The following STXBP4 variants were observed in gnomAD, a reference collection of about 807,000 sequenced individuals.
The protein encoded by STXBP4 is syntaxin-binding protein 4.
In STXBP4, 55 loss-of-function variants were observed where a neutral mutation model predicts 76.1. The ratio of observed to expected loss-of-function variants is 0.72; its 90% CI spans 0.58 to 0.91. STXBP4 has a LOEUF of 0.91. Ranked by LOEUF, STXBP4 falls within the 40% of genes least tolerant of loss-of-function variation. The pLI is 0.00. For missense variants in STXBP4, 618 were observed against 636.9 expected (o/e 0.97, Z 0.32); for synonymous variants, 201 against 220.2 (o/e 0.91, Z 0.77).
Position 55,012,327 on chromosome 17 carries a change from G to A in STXBP4, c.666+4730G>A, listed in dbSNP as rs547490564. 3.2e-4 allele frequency among the ~76,000 whole-genome samples: 48 copies of A among 152,190 alleles called. 1 individual carries two copies. The highest frequency in any genetic ancestry group is 6.8e-3 in the Middle Eastern group (2 of 294). On this transcript the variant is annotated intron_variant, in intron 8 of 17. Coordinates refer to ENST00000376352, the MANE Select transcript of STXBP4 (RefSeq NM_178509.6). ...TTCTTCTTCTGAGTACTGGGGCTTT[G>A]TTTCCCGGAGGGCATTACCCCATAG...
intron 12 of STXBP4, among the ~76,000 whole-genome samples, chr17:55,061,591 T>C (rs2078995359): frequency 6.6e-6 from 1 of 152,166 alleles, no homozygotes; most frequent in African/African-American, 2.4e-5. Flanking sequence ...CCAAAAACCC[T>C]CTTTACTCAG....
chr17:55,037,188 A>G (rs1396277181), intron 10 of STXBP4, among the ~76,000 whole-genome samples: 1 of 152,146 alleles, frequency 6.6e-6, no homozygotes, highest in African/African-American at 2.4e-5. Context: ...CACAGTTTTC[A>G]TTCTGCTGAT....
At chr17:55,142,256 G>A (rs1460960467) in intron 17 of STXBP4, among the ~76,000 whole-genome samples, 1 of 152,138 alleles carries the variant, frequency 6.6e-6, no homozygotes, top group Non-Finnish European at 1.5e-5. Context: ...TTCCTTTTAT[G>A]TCAGAATTGA....
chr17:55,076,671 C>T (rs73990301), intron 13 of STXBP4, among the ~76,000 whole-genome samples: 189 of 152,180 alleles, frequency 1.2e-3, no homozygotes, highest in African/African-American at 3.9e-3. Flanking sequence ...TTGAGCTTCC[C>T]GATTCGAAGA....
the STXBP4 span, among the ~76,000 whole-genome samples, chr17:55,209,465 G>C: frequency 6.6e-6 from 1 of 152,282 alleles, no homozygotes; most frequent in Middle Eastern, 3.4e-3. Context: ...GCCAGAGCTG[G>C]GGAGTCAGAG....
intron 16 of STXBP4, among the ~76,000 whole-genome samples, chr17:55,139,283 G>C (rs140164017): frequency 6.6e-6 from 1 of 152,266 alleles, no homozygotes; most frequent in African/African-American, 2.4e-5. Context: ...AAAAGATACT[G>C]TCTTGAAAGT....
rs1184044529 is a variant in STXBP4 at position 55,161,349 on chromosome 17, A to G, written c.*1438A>G. 6.6e-6 allele frequency: 1 copy of G among 152,216 alleles called. No individual in the cohort carries two copies. The highest frequency in any genetic ancestry group is 1.5e-5 in the Non-Finnish European group (1 of 68,038). 9.4% of individuals were successfully genotyped at this position (152,216 alleles called of 1,614,324 possible). ...TGTGTTTTGCCTGACAGCCATTTGA[A>G]TGTTAGGAAGCTTCGGGGAGACAAG... On this transcript the variant is annotated 3_prime_UTR_variant, in exon 18 of 18. Coordinates refer to ENST00000376352, the MANE Select transcript of STXBP4 (RefSeq NM_178509.6).
At chr17:55,108,422 T>C (rs2079663372) in intron 16 of STXBP4, among the ~76,000 whole-genome samples, 1 of 152,158 alleles carries the variant, frequency 6.6e-6, no homozygotes, top group South Asian at 2.1e-4. Context: ...TGAACAGTTC[T>C]GTCTCACTGG....
At chr17:55,097,453 G>A (rs1386748805) in intron 16 of STXBP4, among the ~76,000 whole-genome samples, 1 of 152,240 alleles carries the variant, frequency 6.6e-6, no homozygotes, top group Non-Finnish European at 1.5e-5. Context: ...CACGAGGTCA[G>A]GAGATCGAGA....
rs1230986526 is a variant in STXBP4 at position 55,082,861 on chromosome 17, G to A, written c.1489+1678G>A. Among the ~76,000 whole-genome samples the A allele has an allele frequency of 2.0e-5, 3 of 152,050 alleles. No individual in the cohort carries two copies. The East Asian group carries it at 5.8e-4, about 29-fold the overall frequency. On this transcript the variant is annotated intron_variant, in intron 16 of 17. Transcript: ENST00000376352. ...TTAAATAAAGATAATGTAATATTCT[G>A]AAGATAGCTATATTATATTCTTGAA...
intron 16 of STXBP4, among the ~76,000 whole-genome samples, chr17:55,110,499 G>A (rs2145053282): frequency 6.6e-6 from 1 of 152,276 alleles, no homozygotes; most frequent in Non-Finnish European, 1.5e-5. Context: ...CATTCCAGAT[G>A]GAAGGGATAA....
intron 8 of STXBP4, among the ~76,000 whole-genome samples, chr17:55,024,100 GA>G (rs1289305072): frequency 6.6e-6 from 1 of 152,186 alleles, no homozygotes; most frequent in East Asian, 1.9e-4. Flanking sequence ...AAGCAGCAGT[GA>G]GGTACAATTG....
chr17:55,178,759 A>G, the STXBP4 span, among the ~76,000 whole-genome samples: 3 of 152,236 alleles, frequency 2.0e-5, no homozygotes, highest in African/African-American at 7.2e-5. Flanking sequence ...GCTGAGGTCC[A>G]GTTCAAGTGC....
At chr17:55,000,778 A>G (rs2077898256) in intron 6 of STXBP4, 30 bp from the exon 7 acceptor site, 1 of 1,422,140 alleles carries the variant, frequency 7.0e-7, no homozygotes, top group Non-Finnish European at 9.9e-7. Flanking sequence ...TTAGTAAATG[A>G]CATTGCATGT....
chr17:55,159,109 G>C (rs905321029), intron 17 of STXBP4, among the ~76,000 whole-genome samples: 1 of 152,112 alleles, frequency 6.6e-6, no homozygotes, highest in Non-Finnish European at 1.5e-5. Flanking sequence ...GCCAGATGTG[G>C]TGGTGCGCAC....
intron 12 of STXBP4, among the ~76,000 whole-genome samples, chr17:55,059,357 A>T (rs1185135756): frequency 4.6e-5 from 7 of 152,046 alleles, no homozygotes; most frequent in Non-Finnish European, 8.8e-5. Context: ...TACTCAACTG[A>T]CTCATGTGCC....
intron 13 of STXBP4, among the ~76,000 whole-genome samples, chr17:55,075,235 A>G (rs967379816): frequency 2.0e-5 from 3 of 152,112 alleles, no homozygotes; most frequent in African/African-American, 4.8e-5. Flanking sequence ...ATTCCTTAAC[A>G]ATATGTTGTT....
chr17:55,059,047 A>G (rs1332318674), intron 12 of STXBP4, among the ~76,000 whole-genome samples: 1 of 152,130 alleles, frequency 6.6e-6, no homozygotes, highest in Non-Finnish European at 1.5e-5. Context: ...TAGCTAATTT[A>G]TCTCCATTTT....
the STXBP4 span, among the ~76,000 whole-genome samples, chr17:55,185,272 TCTCCTTCTC>T: frequency 1.7e-5 from 1 of 59,138 alleles, no homozygotes; most frequent in African/African-American, 7.7e-5. Context: ...TCCTTCTCCT[TCTCCTTCTC>T]CTTCTCCTTC....
Sources: gnomAD v4.1 joint callset for allele counts (sites outside exome capture counted in the v4.1 genomes callset) on GRCh38, gnomAD v4.1.1 for gene constraint, MANE v1.5 for transcripts, NCBI Gene and HGNC (gene_info 2026-07-23, HGNC 2026-07-21) for gene names.